Variants in KPNA3 observed in about 807,000 individuals in gnomAD.
KPNA3 encodes the protein importin subunit alpha-4.
KPNA3 carries 13 observed loss-of-function variants against 73.8 expected under a neutral mutation model. That is an observed-to-expected ratio of 0.18 (90% CI 0.11 to 0.28). The LOEUF is 0.28. Among genes scored for constraint, KPNA3 ranks in the 10% least tolerant of loss-of-function variants. The probability of loss-of-function intolerance (pLI) is 1.00; values close to 1 mark genes in which losing one functional copy is unlikely to be tolerated. For synonymous variants in KPNA3, 186 were observed against 206.9 expected, an observed-to-expected ratio of 0.90 and a Z score of 0.87; for missense variants, 360 against 618.1, an observed-to-expected ratio of 0.58 and a Z score of 4.43.
intron 2 of KPNA3, among the ~76,000 whole-genome samples, chr13:49,745,947 C>T (rs1410298270): frequency 6.6e-6 from 1 of 151,108 alleles, no homozygotes; most frequent in African/African-American, 2.4e-5. Context: ...CCTGTAGTCC[C>T]AGCTACTTGG....
chr13:49,742,895 AC>A (rs1954585630), intron 2 of KPNA3, among the ~76,000 whole-genome samples: 1 of 152,210 alleles, frequency 6.6e-6, no homozygotes, highest in South Asian at 2.1e-4. Flanking sequence ...AAACTTCAAT[AC>A]ATGACTTAAA....
At chr13:49,724,242 G>A (rs1954387160) in intron 7 of KPNA3, among the ~76,000 whole-genome samples, 1 of 151,920 alleles carries the variant, frequency 6.6e-6, no homozygotes, top group Admixed American at 6.6e-5. Context: ...ACAAGTGTTT[G>A]TATGAATATG....
intron 6 of KPNA3, among the ~76,000 whole-genome samples, chr13:49,726,449 G>A (rs1954410122): frequency 6.6e-6 from 1 of 152,188 alleles, no homozygotes; most frequent in African/African-American, 2.4e-5. Context: ...GGAACGACAA[G>A]GATTAGATCA....
At chr13:49,751,230 A>AAT (rs1954660279) in intron 1 of KPNA3, among the ~76,000 whole-genome samples, 1 of 152,160 alleles carries the variant, frequency 6.6e-6, no homozygotes, top group Non-Finnish European at 1.5e-5. Flanking sequence ...CTCTCCTGTC[A>AAT]ATACTCCTAA....
intron 1 of KPNA3, among the ~76,000 whole-genome samples, chr13:49,770,707 G>T (rs1003478017): frequency 6.6e-6 from 1 of 151,074 alleles, no homozygotes; most frequent in African/African-American, 2.4e-5. Context: ...TGCATACTGT[G>T]TAAGGCTCCA....
intron 2 of KPNA3, among the ~76,000 whole-genome samples, chr13:49,736,196 T>C (rs79329965): frequency 0.014 from 2,175 of 152,288 alleles, 28 homozygotes; most frequent in South Asian, 0.028. Context: ...TAAATGCTTT[T>C]AATGAGGTAG....
intron 1 of KPNA3, among the ~76,000 whole-genome samples, chr13:49,785,636 CA>C (rs1954976227): frequency 6.6e-6 from 1 of 151,936 alleles, no homozygotes. Flanking sequence ...GAATCGTAGA[CA>C]GAATCCCAAG....
At position 49,732,895 on chromosome 13, in the gene KPNA3, T is replaced by C. The variant is rs1243773896; in HGVS notation, c.204+62A>G. 4 of 1,369,602 alleles carry C rather than the reference T, an allele frequency of 2.9e-6. No individual in the cohort carries two copies. In the South Asian group the frequency reaches 3.7e-5, roughly 13 times the overall value. 84.8% of individuals were successfully genotyped at this position (1,369,602 alleles called of 1,614,324 possible). On this transcript the variant is annotated intron_variant, in intron 3 of 16. Transcript: ENST00000261667. ...TATAAAGTTGGTCTTATATTAAAAA[T>C]GAAGTTCTCACAGTTACTATAAAAA... is the stretch of plus-strand genomic sequence containing the variant.
At chr13:49,706,073 G>A in intron 14 of KPNA3, 25 bp downstream of exon 14, 2 of 1,595,612 alleles carry the variant, frequency 1.3e-6, no homozygotes. Flanking sequence ...TAACAATCAT[G>A]ACAGTTACAG....
chr13:49,732,341 A>C (rs764325256), intron 6 of KPNA3, 30 bp downstream of exon 6: 74 of 1,187,854 alleles, frequency 6.2e-5, no homozygotes, highest in Non-Finnish European at 8.5e-5. Context: ...AACTGAAAAA[A>C]ACTGAATAGG....
chr13:49,726,505 A>G (rs1447744744), intron 6 of KPNA3, among the ~76,000 whole-genome samples: 1 of 152,048 alleles, frequency 6.6e-6, no homozygotes, highest in Admixed American at 6.6e-5. Flanking sequence ...GTGTTTGTGC[A>G]TGTGTGTGTG....
chr13:49,707,826 C>G (rs1954221974), intron 12 of KPNA3, among the ~76,000 whole-genome samples: 1 of 152,024 alleles, frequency 6.6e-6, no homozygotes, highest in Non-Finnish European at 1.5e-5. Flanking sequence ...TTTTTTGACA[C>G]CATACTTTTC....
In KPNA3 at chr13:49,732,953, T is replaced by A. The variant is rs1013380345; in HGVS notation, c.204+4A>T. 6.3e-7 allele frequency: 1 copy of A among 1,579,558 alleles called. No homozygotes were observed. The highest frequency in any genetic ancestry group is 1.4e-5 in the African/African-American group (1 of 74,000). On this transcript the variant is annotated splice_donor_region_variant and intron_variant, in intron 3 of 16. Coordinates refer to ENST00000261667, the MANE Select transcript of KPNA3 (RefSeq NM_002267.4). ...AAAATCACTATTAAAACATGGTAAC[T>A]TACTGCTTTAAAATCAGCATCAACA...
chr13:49,730,623 TTTATTA>T (rs1192300533), intron 6 of KPNA3, among the ~76,000 whole-genome samples: 2 of 150,438 alleles, frequency 1.3e-5, no homozygotes, highest in Admixed American at 6.6e-5. Flanking sequence ...TTATTTTATT[TTTATTA>T]TTATTATACT....
rs532011898 is a variant in KPNA3 at position 49,725,453 on chromosome 13, T to C, written c.432A>G (p.Ser144=). The C allele has an allele frequency of 4.0e-5, 64 of 1,613,606 alleles. No individual in the cohort carries two copies. In the East Asian group the frequency reaches 1.4e-3, roughly 35 times the overall value. ...EAAWALTNIA[S]GTSAQTQAVV... is the part of the protein sequence containing the mutation. ...CAGCTTGAGTCTGTGCAGAAGTTCC[T>C]GATGCTATGTTAGTTAATGCCCAAG... Residue 144 remains serine, a synonymous_variant, in exon 7 of 17, where the codon TCA becomes TCG. Coordinates refer to ENST00000261667, the MANE Select transcript of KPNA3 (RefSeq NM_002267.4).
At chr13:49,787,711 G>A (rs1396412925) in intron 1 of KPNA3, among the ~76,000 whole-genome samples, 3 of 137,322 alleles carry the variant, frequency 2.2e-5, no homozygotes, top group South Asian at 2.3e-4. Flanking sequence ...ACGGAGTTTC[G>A]CTCTGTCGCC....
At chr13:49,762,518 TAAGA>T (rs374486699) in intron 1 of KPNA3, among the ~76,000 whole-genome samples, 2,983 of 152,340 alleles carry the variant, frequency 0.02, 37 homozygotes, top group South Asian at 0.041. Flanking sequence ...TGTTCTGTAC[TAAGA>T]AAGATTCTTC....
intron 1 of KPNA3, among the ~76,000 whole-genome samples, chr13:49,755,513 C>A (rs1954703014): frequency 6.6e-6 from 1 of 152,054 alleles, no homozygotes; most frequent in Non-Finnish European, 1.5e-5. Context: ...GAAAATAATC[C>A]CAGCCAGGTG....
intron 6 of KPNA3, among the ~76,000 whole-genome samples, chr13:49,725,907 G>C (rs541020892): frequency 1.7e-4 from 26 of 152,240 alleles, no homozygotes; most frequent in African/African-American, 6.3e-4. Context: ...TTCCCAAAGT[G>C]CTGGGATTAT....
Sources: allele counts gnomAD v4.1 joint callset (sites outside exome capture counted in the v4.1 genomes callset), GRCh38; gene constraint gnomAD v4.1.1; transcripts MANE v1.5; gene names NCBI Gene and HGNC (gene_info 2026-07-23, HGNC 2026-07-21).